RAB33B: variants seen among roughly 807,000 people sequenced by gnomAD.
RAB33B encodes ras-related protein Rab-33B.
A neutral mutation model predicts 15.0 loss-of-function variants in RAB33B; 6 were observed. The observed-to-expected ratio is 0.40, with a 90% CI of 0.22 to 0.79. The LOEUF is 0.79. Among genes scored for constraint, RAB33B ranks in the 30% least tolerant of loss-of-function variants. RAB33B has a pLI of 0.37. For synonymous variants in RAB33B, 117 were observed against 108.3 expected, an observed-to-expected ratio of 1.08 and a Z score of -0.50; for missense variants, 257 against 296.4, an observed-to-expected ratio of 0.87 and a Z score of 0.98.
the RAB33B span, among the ~76,000 whole-genome samples, chr4:139,447,534 GAAGTT>G: frequency 6.6e-6 from 1 of 152,064 alleles, no homozygotes; most frequent in East Asian, 1.9e-4. Context: ...CATTAAACAG[GAAGTT>G]AAGATTGTCA....
At chr4:139,462,560 A>C (rs1034213500) in intron 1 of RAB33B, among the ~76,000 whole-genome samples, 1 of 152,230 alleles carries the variant, frequency 6.6e-6, no homozygotes, top group Non-Finnish European at 1.5e-5. Context: ...TATAAGAACT[A>C]CATAAGAGCT....
chr4:139,451,363 C>CTTTTTTTTTTTTTTTTTTTTTTTTTTT (rs901731114), upstream of RAB33B: 2 of 108,632 alleles, frequency 1.8e-5, no homozygotes, highest in African/African-American at 3.9e-5. Flanking sequence ...ACCACACCCA[C>CTTTTTTTTTTTTTTTTTTTTTTTTTTT]TTTTTTTTTT....
the RAB33B span, among the ~76,000 whole-genome samples, chr4:139,442,563 G>C: frequency 6.6e-6 from 1 of 152,280 alleles, no homozygotes; most frequent in South Asian, 2.1e-4. Flanking sequence ...CTGCCAGCAT[G>C]ATCAGAATAT....
upstream of RAB33B, chr4:139,449,411 A>G (rs1749881759): frequency 6.6e-6 from 1 of 152,198 alleles, no homozygotes; most frequent in Non-Finnish European, 1.5e-5. Flanking sequence ...GGATTAAAGG[A>G]TGCAAAGTAT....
upstream of RAB33B, chr4:139,449,427 CT>C (rs1221798940): frequency 2.0e-5 from 3 of 152,076 alleles, no homozygotes; most frequent in Non-Finnish European, 1.5e-5. Flanking sequence ...AGTATCGATC[CT>C]GAATGTGTCT....
At chr4:139,471,715 G>T (rs553476764) in intron 1 of RAB33B, among the ~76,000 whole-genome samples, 4 of 151,998 alleles carry the variant, frequency 2.6e-5, no homozygotes, top group Non-Finnish European at 4.4e-5. Context: ...CTGAGCTACC[G>T]CATCTGGCTG....
At chr4:139,459,845 G>C (rs929448148) in intron 1 of RAB33B, among the ~76,000 whole-genome samples, 2 of 152,088 alleles carry the variant, frequency 1.3e-5, no homozygotes, top group African/African-American at 4.8e-5. Flanking sequence ...TGTTGGCCAG[G>C]CTGGTCTCAA....
At chr4:139,449,231 T>C (rs1447588294), upstream of RAB33B, 1 of 152,224 alleles carries the variant, frequency 6.6e-6, no homozygotes, top group East Asian at 1.9e-4. Context: ...TGTAATAGCA[T>C]TTGGGTTGGG....
At chr4:139,439,005 G>A in the RAB33B span, among the ~76,000 whole-genome samples, 2 of 152,014 alleles carry the variant, frequency 1.3e-5, no homozygotes, top group Admixed American at 6.6e-5. Flanking sequence ...TTTTTGCCAG[G>A]TATGGGATTC....
At chr4:139,450,797 T>C (rs1359788353), upstream of RAB33B, 1 of 151,948 alleles carries the variant, frequency 6.6e-6, no homozygotes, top group Admixed American at 6.6e-5. Flanking sequence ...AGTTACGAAA[T>C]GGGCACTGTC....
intron 1 of RAB33B, among the ~76,000 whole-genome samples, chr4:139,462,771 G>A (rs1256052448): frequency 6.6e-6 from 1 of 151,946 alleles, no homozygotes; most frequent in Non-Finnish European, 1.5e-5. Context: ...TTCATGTATT[G>A]GTCTGTGTTC....
At chr4:139,445,572 C>T in the RAB33B span, among the ~76,000 whole-genome samples, 1 of 152,188 alleles carries the variant, frequency 6.6e-6, no homozygotes, top group Non-Finnish European at 1.5e-5. Flanking sequence ...TTGGCCCCTC[C>T]TATACCAAGA....
At chr4:139,438,979 C>G in the RAB33B span, among the ~76,000 whole-genome samples, 1 of 152,128 alleles carries the variant, frequency 6.6e-6, no homozygotes, top group Non-Finnish European at 1.5e-5. Context: ...TCTTCTACTT[C>G]AATTTCGAAG....
intron 1 of RAB33B, among the ~76,000 whole-genome samples, chr4:139,458,607 G>T (rs962025910): frequency 3.9e-5 from 6 of 152,192 alleles, no homozygotes; most frequent in African/African-American, 1.2e-4. Context: ...TTTTGTGGCT[G>T]CATAGTGTTA....
At chr4:139,467,309 T>C (rs1309907682) in intron 1 of RAB33B, among the ~76,000 whole-genome samples, 2 of 20,104 alleles carry the variant, frequency 9.9e-5, no homozygotes, top group Non-Finnish European at 3.0e-4. Context: ...CCCCCGCCGC[T>C]TTTTTTTTTT....
At chr4:139,453,505 AC>A (rs977501824), upstream of RAB33B, 10 of 152,304 alleles carry the variant, frequency 6.6e-5, no homozygotes, top group Non-Finnish European at 1.3e-4. Context: ...CTCGCGTCCC[AC>A]CCATCTAGCC....
At chr4:139,471,453 T>C (rs1194255062) in intron 1 of RAB33B, among the ~76,000 whole-genome samples, 2 of 152,132 alleles carry the variant, frequency 1.3e-5, no homozygotes, top group Admixed American at 6.5e-5. Flanking sequence ...ATCTCTTCAG[T>C]TCCTCTTTCA....
chr4:139,450,657 C>T, upstream of RAB33B: 1 of 152,218 alleles, frequency 6.6e-6, no homozygotes, highest in East Asian at 1.9e-4. Context: ...AATTATCTGA[C>T]TTAAAATGTC....
At position 139,454,414 on chromosome 4, in the gene RAB33B, A is replaced by G; in HGVS notation, c.219A>G (p.Arg73=). 1 of 1,611,700 alleles carries G rather than the reference A, an allele frequency of 6.2e-7. No individual in the cohort carries two copies. The highest frequency in any genetic ancestry group is 8.5e-7 in the Non-Finnish European group (1 of 1,179,974). The change falls in exon 1 of 2, where the codon CGA becomes CGG. Residue 73 remains arginine, a synonymous_variant. Transcript: ENST00000305626. ...CGATAGGGGTGGATTTCCGAGAACG[A>G]GCGGTGGAGATTGATGGGGAGCGCA... ...EATIGVDFRE[R]AVEIDGERIK...
Sources: gnomAD v4.1 joint callset for allele counts (sites outside exome capture counted in the v4.1 genomes callset) on GRCh38, gnomAD v4.1.1 for gene constraint, MANE v1.5 for transcripts, NCBI Gene and HGNC (gene_info 2026-07-23, HGNC 2026-07-21) for gene names.